The following WAPL variants were observed in gnomAD, a reference collection of about 807,000 sequenced individuals.
WAPL encodes wings apart-like protein homolog.
In WAPL, 5 loss-of-function variants were observed where a neutral mutation model predicts 121.0. The ratio of observed to expected loss-of-function variants is 0.04; its 90% CI spans 0.02 to 0.09. The LOEUF (loss-of-function observed/expected upper bound fraction) is 0.09, where lower values mean the gene tolerates loss of function less well. Ranked by LOEUF, WAPL falls within the 10% of genes least tolerant of loss-of-function variation. The pLI is 1.00. For synonymous variants in WAPL, 480 were observed against 481.5 expected, an observed-to-expected ratio of 1.00 and a Z score of 0.04; for missense variants, 999 against 1,410.8, an observed-to-expected ratio of 0.71 and a Z score of 4.68.
intron 5 of WAPL, 116 bp downstream of exon 5, chr10:86,473,762 C>T (rs909548089): frequency 6.4e-6 from 5 of 785,604 alleles, no homozygotes; most frequent in Non-Finnish European, 9.8e-6. Context: ...GTAAAGAAAG[C>T]CAAAATAAAC....
intron 2 of WAPL, among the ~76,000 whole-genome samples, chr10:86,510,967 C>A (rs867597494): frequency 6.6e-6 from 1 of 150,548 alleles, no homozygotes; most frequent in South Asian, 2.1e-4. Context: ...GCTGGAACTA[C>A]GGGTGCACCC....
intron 1 of WAPL, 25 bp from the exon 2 acceptor site, chr10:86,518,116 A>T (rs949966153): frequency 6.3e-7 from 1 of 1,585,986 alleles, no homozygotes. Context: ...TTAAGAAAAC[A>T]TATAATCATC....
chr10:86,462,536 A>G (rs1430495843), intron 9 of WAPL, among the ~76,000 whole-genome samples: 1 of 151,974 alleles, frequency 6.6e-6, no homozygotes, highest in African/African-American at 2.4e-5. Context: ...TCTGGCCAAC[A>G]TGGTAAAACC....
chr10:86,452,043 G>C lies in WAPL; in HGVS notation c.3038C>G (p.Ser1013Cys), dbSNP rs1208442859. ...ATCCCCTTCTCCACTACAGATGGAA[G>C]AATCAAAAGAGCACGATGTTTCCAT... ...VNMETSCSFD[S>C]SICSGEGDDS... Residue 1013 changes from serine to cysteine, a missense_variant, in exon 15 of 19, where the codon TCT becomes TGT. Ser to Cys is a moderately radical substitution (Grantham distance 112, BLOSUM62 -1). Transcript: ENST00000298767. 4 of 1,614,130 alleles carry C rather than the reference G, an allele frequency of 2.5e-6. No individual in the cohort carries two copies. Among genetic ancestry groups the C allele is most frequent in the South Asian group, 2.2e-5 (2 of 91,072 alleles).
intron 2 of WAPL, among the ~76,000 whole-genome samples, chr10:86,508,965 G>A (rs974005876): frequency 1.3e-5 from 2 of 151,206 alleles, no homozygotes; most frequent in South Asian, 2.1e-4. Context: ...CCGTGGTCTC[G>A]ATCTCCTGAC....
At chr10:86,509,942 T>G (rs1395772435) in intron 2 of WAPL, among the ~76,000 whole-genome samples, 1 of 151,696 alleles carries the variant, frequency 6.6e-6, no homozygotes, top group Non-Finnish European at 1.5e-5. Flanking sequence ...TTTTTGTTAT[T>G]TTTAGTAAAG....
intron 12 of WAPL, among the ~76,000 whole-genome samples, chr10:86,455,252 A>G (rs1233952201): frequency 1.3e-5 from 2 of 152,206 alleles, no homozygotes; most frequent in Admixed American, 1.3e-4. Flanking sequence ...GAAAAGGGGG[A>G]AATGTGGGGA....
Position 86,437,618 on chromosome 10 carries a change from G to A in WAPL, c.3508-10C>T, listed in dbSNP as rs774361644. 6.2e-7 allele frequency: 1 copy of A among 1,613,404 alleles called. No individual in the cohort carries two copies. Among genetic ancestry groups the A allele is most frequent in the Admixed American group, 1.7e-5 (1 of 59,888 alleles). On this transcript the variant is annotated splice_polypyrimidine_tract_variant and intron_variant, in intron 18 of 18. Transcript: ENST00000298767. ...TTGTTCCAACAGCACACTGAAAGCA[G>A]GGTGAAGGGGAAAGGAAGTAACAGT...
intron 4 of WAPL, among the ~76,000 whole-genome samples, chr10:86,478,208 T>C (rs1841703587): frequency 6.6e-6 from 1 of 151,812 alleles, no homozygotes; most frequent in African/African-American, 2.4e-5. Flanking sequence ...GGGAGACAGA[T>C]GTCTTGCGCC....
chr10:86,437,188 A>G lies in WAPL; in HGVS notation c.*355T>C, dbSNP rs1849344439. 1 of 201,768 alleles carries G rather than the reference A, an allele frequency of 5.0e-6. No homozygotes were observed. The highest frequency in any genetic ancestry group is 1.0e-4 in the South Asian group (1 of 9,640). The allele number at this position is 201,768 out of a possible 1,614,324, so 12.5% of individuals were successfully genotyped here. ...ATGACAACAGTGGCTCAACATACAC[A>G]GCAGTTGCACTAACAGCAGCACAAA... On this transcript the variant is annotated 3_prime_UTR_variant, in exon 19 of 19. Coordinates refer to ENST00000298767, the MANE Select transcript of WAPL (RefSeq NM_015045.5).
At chr10:86,467,812 G>A (rs1841434858) in intron 8 of WAPL, among the ~76,000 whole-genome samples, 2 of 151,712 alleles carry the variant, frequency 1.3e-5, no homozygotes, top group African/African-American at 4.8e-5. Context: ...GAGTAGCTCG[G>A]ACTACTGGTG....
chr10:86,503,906 AG>A (rs1842293726), intron 2 of WAPL, among the ~76,000 whole-genome samples: 3 of 152,368 alleles, frequency 2.0e-5, no homozygotes, highest in Middle Eastern at 3.4e-3. Flanking sequence ...ACAATGGCTC[AG>A]GCCTATAATG....
intron 15 of WAPL, among the ~76,000 whole-genome samples, chr10:86,448,135 T>TA (rs1167285827): frequency 2.6e-5 from 4 of 152,012 alleles, no homozygotes; most frequent in South Asian, 2.1e-4. Flanking sequence ...AAATAAAACT[T>TA]AAAAAAACAG....
intron 4 of WAPL, 112 bp downstream of exon 4, chr10:86,497,089 C>T: frequency 2.3e-6 from 2 of 886,054 alleles, no homozygotes; most frequent in Non-Finnish European, 1.7e-6. Flanking sequence ...TACACATATC[C>T]TTTGAAAGAC....
At chr10:86,504,533 C>T (rs910180399) in intron 2 of WAPL, among the ~76,000 whole-genome samples, 1 of 148,102 alleles carries the variant, frequency 6.8e-6, no homozygotes, top group African/African-American at 2.5e-5. Flanking sequence ...AAAAATTAGC[C>T]GGGCGTAGTA....
At chr10:86,474,655 GGAGTTCAAGACCAACCTGGGTGAGCCCCA>G (rs1202442901) in intron 4 of WAPL, among the ~76,000 whole-genome samples, 4 of 152,184 alleles carry the variant, frequency 2.6e-5, no homozygotes, top group Admixed American at 1.3e-4. Flanking sequence ...CTTGAGTCCA[GGAGTTCAAGACCAACCTGGGTGAGCCCCA>G]GAGTTCAAGA....
intron 2 of WAPL, among the ~76,000 whole-genome samples, chr10:86,517,045 T>C (rs1172885202): frequency 1.3e-5 from 2 of 151,896 alleles, no homozygotes; most frequent in African/African-American, 4.8e-5. Context: ...CGAGACTCCT[T>C]CTCAAAAAAA....
At chr10:86,477,603 G>C (rs775124927) in intron 4 of WAPL, among the ~76,000 whole-genome samples, 1 of 152,052 alleles carries the variant, frequency 6.6e-6, no homozygotes, top group Non-Finnish European at 1.5e-5. Context: ...AGGAGTTGGA[G>C]ACCAGCCTAA....
chr10:86,437,469 C>G lies in WAPL; in HGVS notation c.*74G>C, dbSNP rs1340670263. Reference sequence around the variant, plus strand: ...GTTCTTGGTATATCTTCAAGGACTTCTTTCATGACTTGACTTTTCTTTGTC... The same window carrying G: ...GTTCTTGGTATATCTTCAAGGACTTGTTTCATGACTTGACTTTTCTTTGTC... On this transcript the variant is annotated 3_prime_UTR_variant, in exon 19 of 19. Coordinates refer to ENST00000298767, the MANE Select transcript of WAPL (RefSeq NM_015045.5). 1.3e-6 allele frequency: 2 copies of G among 1,500,678 alleles called. No homozygotes were observed. The highest frequency in any genetic ancestry group is 1.4e-5 in the African/African-American group (1 of 71,594). The allele number at this position is 1,500,678 out of a possible 1,614,324, so 93.0% of individuals were successfully genotyped here.
Sources: allele counts gnomAD v4.1 joint callset (sites outside exome capture counted in the v4.1 genomes callset), GRCh38; gene constraint gnomAD v4.1.1; transcripts MANE v1.5; gene names NCBI Gene and HGNC (gene_info 2026-07-23, HGNC 2026-07-21).